The following NEDD4 variants were observed in gnomAD, a reference collection of about 807,000 sequenced individuals.
NEDD4 encodes NEDD4 E3 ubiquitin protein ligase, also known as E3 ubiquitin-protein ligase NEDD4.
NEDD4 carries 99 observed loss-of-function variants against 144.9 expected under a neutral mutation model. The ratio of observed to expected loss-of-function variants is 0.68; its 90% CI spans 0.58 to 0.81. The LOEUF is 0.81. NEDD4 is among the 30% of genes least tolerant of loss of function. The probability of loss-of-function intolerance (pLI) is 0.00; values close to 1 mark genes in which losing one functional copy is unlikely to be tolerated. For synonymous variants in NEDD4, 318 were observed against 350.6 expected (o/e 0.91, Z 1.04); for missense variants, 985 against 1,065.9 (o/e 0.92, Z 1.06).
intron 1 of NEDD4, among the ~76,000 whole-genome samples, chr15:55,989,855 G>A (rs1278983007): frequency 2.6e-5 from 4 of 152,114 alleles, no homozygotes; most frequent in Admixed American, 6.5e-5. Flanking sequence ...ACAGCAGGAG[G>A]TGAGTGGCAG....
intron 1 of NEDD4, among the ~76,000 whole-genome samples, chr15:55,984,929 T>C (rs2037865473): frequency 6.6e-6 from 1 of 152,214 alleles, no homozygotes; most frequent in Non-Finnish European, 1.5e-5. Context: ...TAGATAACCA[T>C]GATAGATTGA....
intron 8 of NEDD4, among the ~76,000 whole-genome samples, chr15:55,866,561 C>G (rs2034595626): frequency 6.6e-6 from 1 of 152,030 alleles, no homozygotes; most frequent in African/African-American, 2.4e-5. Flanking sequence ...AAGATTAATA[C>G]AATTTATTAA....
At chr15:55,960,272 GA>G (rs1486546314) in intron 2 of NEDD4, among the ~76,000 whole-genome samples, 2 of 152,326 alleles carry the variant, frequency 1.3e-5, no homozygotes, top group Non-Finnish European at 2.9e-5. Context: ...ATTAACATTT[GA>G]ATCAGTGGAC....
chr15:55,947,524 T>A (rs928848745), intron 4 of NEDD4, among the ~76,000 whole-genome samples: 13 of 152,104 alleles, frequency 8.5e-5, no homozygotes, highest in Non-Finnish European at 1.8e-4. Context: ...CAATAATTAA[T>A]AGCCTACCAA....
chr15:55,853,965 G>C (rs1186542810), intron 12 of NEDD4, among the ~76,000 whole-genome samples: 1 of 152,082 alleles, frequency 6.6e-6, no homozygotes, highest in Non-Finnish European at 1.5e-5. Flanking sequence ...ACTCTAGCCT[G>C]GGCAACTGAG....
At chr15:55,919,705 G>A (rs891495426) in intron 5 of NEDD4, among the ~76,000 whole-genome samples, 7 of 152,070 alleles carry the variant, frequency 4.6e-5, no homozygotes, top group African/African-American at 1.2e-4. Flanking sequence ...TTCATATTCC[G>A]GAATGAAACA....
rs1015893745 is a variant in NEDD4 at position 55,989,968 on chromosome 15, A to G, written c.45+3543T>C. Reference sequence around the variant, plus strand: ...AGATCAGCAGCGGCATTAGATTCTCATAAGAGCATGAACCCTATTGTGAAC... The same window carrying G: ...AGATCAGCAGCGGCATTAGATTCTCGTAAGAGCATGAACCCTATTGTGAAC... On this transcript the variant is annotated intron_variant, in intron 1 of 28. Transcript: ENST00000435532. Among the ~76,000 whole-genome samples, 3 of 151,974 alleles carry G rather than the reference A, an allele frequency of 2.0e-5. No individual in the cohort carries two copies. The East Asian group carries it at 5.8e-4, about 29-fold the overall frequency.
chr15:55,832,984 T>A (rs8026172), intron 27 of NEDD4, 24 bp downstream of exon 27: 500,849 of 1,513,316 alleles, frequency 0.33, 84,368 homozygotes, highest in South Asian at 0.43. Flanking sequence ...TCCATTTTTT[T>A]AATGATCTAT....
Position 55,951,432 on chromosome 15 carries a change from T to C in NEDD4, c.199-18A>G, listed in dbSNP as rs1179783181. 6.1e-6 allele frequency: 7 copies of C among 1,155,986 alleles called. No homozygotes were observed. The African/African-American group carries it at 7.9e-5, about 13-fold the overall frequency. 71.6% of individuals were successfully genotyped at this position (1,155,986 alleles called of 1,614,324 possible). On this transcript the variant is annotated intron_variant, in intron 3 of 28. Coordinates refer to ENST00000435532, the MANE Select transcript of NEDD4 (RefSeq NM_006154.4). ...TTCAAACTCTAAAAAATAATAAACA[T>C]AGTATAACTAAATAAGGTTTTGTCT...
chr15:55,853,655 A>C lies in NEDD4; in HGVS notation c.1027-1112T>G, dbSNP rs574829745. 9.8e-5 allele frequency among the ~76,000 whole-genome samples: 15 copies of C among 152,334 alleles called. No homozygotes were observed. The East Asian group carries it at 2.9e-3, about 29-fold the overall frequency. ...ATTTATCATAGTTTGTTACAAATGA[A>C]TAAAGAGAAGTCTGGTTATTTCCAG... On this transcript the variant is annotated intron_variant, in intron 12 of 28. Transcript: ENST00000435532.
intron 1 of NEDD4, among the ~76,000 whole-genome samples, chr15:55,988,652 T>C (rs1023683899): frequency 2.0e-5 from 3 of 152,120 alleles, no homozygotes; most frequent in Non-Finnish European, 2.9e-5. Flanking sequence ...ATGGTATCTG[T>C]GGATTGAATG....
At chr15:55,932,973 C>T (rs1198226182) in intron 4 of NEDD4, among the ~76,000 whole-genome samples, 1 of 152,176 alleles carries the variant, frequency 6.6e-6, no homozygotes, top group African/African-American at 2.4e-5. Flanking sequence ...ATCAAAACGA[C>T]AATGAGATAC....
intron 5 of NEDD4, among the ~76,000 whole-genome samples, chr15:55,900,101 T>G (rs1476360843): frequency 1.3e-5 from 2 of 151,952 alleles, no homozygotes; most frequent in African/African-American, 4.8e-5. Context: ...TGGCTCATCA[T>G]ACCTAAGAAA....
rs117811054 is a variant in NEDD4, at chr15:55,907,674, T to C, written c.291+16972A>G. Among the ~76,000 whole-genome samples, 1,014 of 152,324 alleles carry C rather than the reference T, an allele frequency of 6.7e-3. 8 individuals carry two copies. Among genetic ancestry groups the C allele is most frequent in the Non-Finnish European group, 0.011 (780 of 68,026 alleles). On this transcript the variant is annotated intron_variant, in intron 5 of 28. Coordinates refer to ENST00000435532, the MANE Select transcript of NEDD4 (RefSeq NM_006154.4). Reference sequence around the variant, plus strand: ...AGCCTTGTTACAAAAGTAAAGGTCATTCTTAGCTGAAACAGTTACTTAAAA... The same window carrying C: ...AGCCTTGTTACAAAAGTAAAGGTCACTCTTAGCTGAAACAGTTACTTAAAA...
intron 5 of NEDD4, among the ~76,000 whole-genome samples, chr15:55,920,366 G>A (rs754864520): frequency 3.1e-4 from 47 of 151,984 alleles, no homozygotes; most frequent in African/African-American, 1.0e-3. Context: ...TCCTAAAACC[G>A]GTGGCTGAAT....
intron 22 of NEDD4, 100 bp from the exon 23 acceptor site, chr15:55,838,280 G>A: frequency 1.2e-6 from 1 of 869,352 alleles, no homozygotes; most frequent in Non-Finnish European, 1.8e-6. Context: ...TTTAAATTAA[G>A]TCCAGTCAAA....
intron 5 of NEDD4, among the ~76,000 whole-genome samples, chr15:55,879,516 A>G (rs1442270198): frequency 1.3e-5 from 2 of 152,232 alleles, no homozygotes; most frequent in African/African-American, 4.8e-5. Context: ...TAAATATTGG[A>G]ATATTATACA....
intron 4 of NEDD4, among the ~76,000 whole-genome samples, chr15:55,940,272 G>A (rs2036973067): frequency 6.6e-6 from 1 of 152,104 alleles, no homozygotes. Flanking sequence ...GGTGATAGGA[G>A]GAAACTTTTG....
chr15:55,841,762 G>A (rs374180380), intron 19 of NEDD4, among the ~76,000 whole-genome samples, 172 bp downstream of exon 19: 2 of 152,092 alleles, frequency 1.3e-5, no homozygotes, highest in African/African-American at 2.4e-5. Flanking sequence ...TAGTAGAGAC[G>A]GGGTTTCACC....
Sources: allele counts gnomAD v4.1 joint callset (sites outside exome capture counted in the v4.1 genomes callset), GRCh38; gene constraint gnomAD v4.1.1; transcripts MANE v1.5; gene names NCBI Gene and HGNC (gene_info 2026-07-23, HGNC 2026-07-21).